Variants in CUL4B observed in about 807,000 individuals in gnomAD.
CUL4B encodes the protein cullin 4B.
In CUL4B, 1 loss-of-function variant was observed where a neutral mutation model predicts 69.2. That is an observed-to-expected ratio of 0.01 (90% CI 0.01 to 0.07). The LOEUF (loss-of-function observed/expected upper bound fraction) is 0.07, where lower values mean the gene tolerates loss of function less well. Ranked by LOEUF, CUL4B falls within the 10% of genes least tolerant of loss-of-function variation. The pLI is 1.00. For missense variants in CUL4B, 328 were observed against 638.8 expected (o/e 0.51, Z 5.24); for synonymous variants, 237 against 223.2 (o/e 1.06, Z -0.55).
intron 2 of CUL4B, among the ~76,000 whole-genome samples, chrX:120,551,490 T>C (rs1924683292): frequency 9.0e-6 from 1 of 111,245 alleles, no homozygotes; most frequent in Non-Finnish European, 1.9e-5. Context: ...ATGAGCCACC[T>C]TGGCCACCCG....
intron 2 of CUL4B, among the ~76,000 whole-genome samples, chrX:120,552,921 A>G (rs1924770105): frequency 8.9e-6 from 1 of 112,075 alleles, no homozygotes. Flanking sequence ...TCAAGTAAAT[A>G]TGGCTAAGAT....
intron 19 of CUL4B, 140 bp from the exon 20 acceptor site, chrX:120,526,996 CT>C (rs1016619072): frequency 1.3e-5 from 4 of 309,439 alleles, no homozygotes; most frequent in Non-Finnish European, 2.3e-5. Context: ...ATTTAAATCT[CT>C]TTTTTAGAGA....
chrX:120,571,219 C>T (rs1192656870), exon 3 of CUL4B: 1 of 111,227 alleles, frequency 9.0e-6, no homozygotes, highest in Non-Finnish European at 1.9e-5. Context: ...CCATAAATTA[C>T]ACATCATACA....
At chrX:120,547,764 C>A (rs1924422769) in intron 2 of CUL4B, among the ~76,000 whole-genome samples, 1 of 111,512 alleles carries the variant, frequency 9.0e-6, no homozygotes, top group Admixed American at 9.6e-5. Flanking sequence ...CTGGGGAAGG[C>A]AGATCCATCC....
chrX:120,563,931 C>T (rs1925417261), upstream of CUL4B, among the ~76,000 whole-genome samples: 1 of 112,448 alleles, frequency 8.9e-6, no homozygotes, highest in Admixed American at 9.4e-5. Flanking sequence ...TATTTAACTA[C>T]ATTCTAGTAA....
intron 16 of CUL4B, among the ~76,000 whole-genome samples, chrX:120,535,478 G>A (rs946491284): frequency 9.1e-6 from 1 of 110,152 alleles, no homozygotes; most frequent in Non-Finnish European, 1.9e-5. Context: ...GCCGAGGCGC[G>A]TGGATCACAA....
chrX:120,558,189 G>A (rs1487646489), intron 1 of CUL4B, 150 bp from the exon 2 acceptor site: 1 of 421,283 alleles, frequency 2.4e-6, no homozygotes, highest in African/African-American at 2.5e-5. Flanking sequence ...CTGTATTTAA[G>A]CTTAATATAA....
chrX:120,540,897 T>C (rs1923947994), intron 10 of CUL4B, among the ~76,000 whole-genome samples: 1 of 112,444 alleles, frequency 8.9e-6, no homozygotes, highest in South Asian at 3.6e-4. Context: ...TAGTAAGCAA[T>C]GATCACTGGG....
Position 120,524,587 on chromosome X carries a change from A to C in CUL4B, c.*2174T>G, listed in dbSNP as rs772427745. ...TTTTATAACTTTCTTACAATACTTG[A>C]ATTTTAAAGATCTTCTCTAGAAACT... is the stretch of plus-strand genomic sequence containing the variant. On this transcript the variant is annotated 3_prime_UTR_variant, in exon 20 of 20. Transcript: ENST00000371322. 7 of 112,498 alleles carry C rather than the reference A, an allele frequency of 6.2e-5. No homozygotes were observed. The highest frequency in any genetic ancestry group is 1.3e-4 in the Non-Finnish European group (7 of 53,231). The allele number at this position is 112,498 out of a possible 1,213,427, so 9.3% of individuals were successfully genotyped here.
chrX:120,556,969 T>C (rs1461157710), intron 2 of CUL4B, among the ~76,000 whole-genome samples: 1 of 107,696 alleles, frequency 9.3e-6, no homozygotes, highest in Non-Finnish European at 1.9e-5. Flanking sequence ...TGGAGTGCAA[T>C]GGTGCAATCT....
intron 1 of CUL4B, chrX:120,559,844 G>C (rs199626491): frequency 2.3e-5 from 26 of 1,132,615 alleles, no homozygotes; most frequent in Non-Finnish European, 2.9e-5. Context: ...AAATACAATA[G>C]GTTGAAAAAG....
rs781390294 is a variant in CUL4B at position 120,544,400 on chromosome X, G to A, written c.1083+81C>T. Reference sequence around the variant, plus strand: ...TCCTTCAAACCTTGTTATGACATCAGCACATTACCTGTCTGATGTGGGGGG... The same window carrying A: ...TCCTTCAAACCTTGTTATGACATCAACACATTACCTGTCTGATGTGGGGGG... On this transcript the variant is annotated intron_variant, in intron 6 of 19. Coordinates refer to ENST00000371322, the MANE Select transcript of CUL4B (RefSeq NM_001079872.2). The A allele has an allele frequency of 2.9e-6, 3 of 1,032,714 alleles. No homozygotes were observed. The South Asian group carries it at 5.7e-5, about 20-fold the overall frequency. The allele number at this position is 1,032,714 out of a possible 1,213,427, so 85.1% of individuals were successfully genotyped here. A position where few individuals can be genotyped will look rare whatever the true frequency, so the allele number is the denominator to read the frequency against.
In CUL4B at chrX:120,538,786, T is replaced by C. The variant is rs772318747; in HGVS notation, c.1742-16A>G. Reference sequence around the variant, plus strand: ...ACATCCTTGCCTATGTAAAAAGAAATGCAAAATTTATAATATTCCAATAAA... The same window carrying C: ...ACATCCTTGCCTATGTAAAAAGAAACGCAAAATTTATAATATTCCAATAAA... On this transcript the variant is annotated splice_polypyrimidine_tract_variant and intron_variant, in intron 12 of 19. Coordinates refer to ENST00000371322, the MANE Select transcript of CUL4B (RefSeq NM_001079872.2). The C allele has an allele frequency of 5.5e-6, 6 of 1,083,056 alleles. No homozygotes were observed. Among genetic ancestry groups the C allele is most frequent in the Non-Finnish European group, 6.4e-6 (5 of 781,252 alleles). 89.3% of individuals were successfully genotyped at this position (1,083,056 alleles called of 1,213,427 possible).
At chrX:120,565,670 C>T (rs1381196421), upstream of CUL4B, among the ~76,000 whole-genome samples, 1 of 22,371 alleles carries the variant, frequency 4.5e-5, no homozygotes, top group Non-Finnish European at 7.0e-5. Context: ...TGACAGAGTG[C>T]AAAAAAAAAA....
intron 19 of CUL4B, 69 bp from the exon 20 acceptor site, chrX:120,526,925 C>T (rs751358214): frequency 1.5e-4 from 92 of 594,945 alleles, no homozygotes; most frequent in Non-Finnish European, 2.3e-4. Context: ...AGTTAATACC[C>T]CATTAAAAAG....
At chrX:120,536,696 C>T (rs1923692270) in intron 15 of CUL4B, among the ~76,000 whole-genome samples, 1 of 111,721 alleles carries the variant, frequency 9.0e-6, no homozygotes, top group South Asian at 3.7e-4. Context: ...TACTGACATA[C>T]ACTTTTAAAA....
chrX:120,566,367 A>ATG (rs754503890), upstream of CUL4B, among the ~76,000 whole-genome samples: 671 of 57,102 alleles, frequency 0.012, 24 homozygotes, highest in African/African-American at 0.037. Flanking sequence ...ATATATATAT[A>ATG]TATATATATA....
intron 2 of CUL4B, among the ~76,000 whole-genome samples, chrX:120,548,138 G>C (rs181139558): frequency 6.6e-4 from 74 of 111,516 alleles, no homozygotes; most frequent in Non-Finnish European, 1.3e-3. Context: ...GCTGGGCCCA[G>C]TGGTGTGTAC....
At chrX:120,561,450 G>T, upstream of CUL4B, 1 of 533,157 alleles carries the variant, frequency 1.9e-6, no homozygotes, top group South Asian at 2.4e-5. Context: ...GTGGGGGGGG[G>T]AAGGGGGGAG....
Sources: allele counts gnomAD v4.1 joint callset (sites outside exome capture counted in the v4.1 genomes callset), GRCh38; gene constraint gnomAD v4.1.1; transcripts MANE v1.5; gene names NCBI Gene and HGNC (gene_info 2026-07-23, HGNC 2026-07-21).